The following VPS13B variants were observed in gnomAD, a reference collection of about 807,000 sequenced individuals.
VPS13B encodes the protein vacuolar protein sorting 13 homolog B.
A neutral mutation model predicts 426.4 loss-of-function variants in VPS13B; 285 were observed. That is an observed-to-expected ratio of 0.67 (90% CI 0.61 to 0.74). VPS13B has a LOEUF of 0.74. Among genes scored for constraint, VPS13B ranks in the 30% least tolerant of loss-of-function variants. VPS13B has a pLI of 0.00. For missense variants in VPS13B, 4,537 were observed against 4,782.6 expected, an observed-to-expected ratio of 0.95 and a Z score of 1.51; for synonymous variants, 1,676 against 1,676.4, an observed-to-expected ratio of 1.00 and a Z score of 0.01.
At chr8:99,558,769 G>C (rs1026087577) in intron 31 of VPS13B, among the ~76,000 whole-genome samples, 2 of 152,076 alleles carry the variant, frequency 1.3e-5, no homozygotes, top group Non-Finnish European at 2.9e-5. Flanking sequence ...ATAGTATTCC[G>C]TGGGGTATAT....
At chr8:99,405,042 T>C (rs1404426953) in intron 21 of VPS13B, among the ~76,000 whole-genome samples, 1 of 152,222 alleles carries the variant, frequency 6.6e-6, no homozygotes, top group Non-Finnish European at 1.5e-5. Context: ...TTCCTTTGGA[T>C]CTTAATCATC....
intron 17 of VPS13B, among the ~76,000 whole-genome samples, chr8:99,272,855 G>A (rs1260298768): frequency 6.6e-6 from 1 of 152,124 alleles, no homozygotes; most frequent in African/African-American, 2.4e-5. Context: ...TTGAGCTACA[G>A]GTTGAGTGAC....
At chr8:99,490,371 T>A (rs1181276989) in intron 25 of VPS13B, among the ~76,000 whole-genome samples, 1 of 152,166 alleles carries the variant, frequency 6.6e-6, no homozygotes, top group Non-Finnish European at 1.5e-5. Flanking sequence ...TCTTTCTTTG[T>A]TGTGTCTCTG....
intron 30 of VPS13B, among the ~76,000 whole-genome samples, chr8:99,539,047 A>T (rs2133717013): frequency 6.6e-6 from 1 of 152,294 alleles, no homozygotes; most frequent in Non-Finnish European, 1.5e-5. Context: ...GTATTTCACC[A>T]GTTTTATAAA....
chr8:99,820,065 A>G lies in VPS13B; in HGVS notation c.8937A>G (p.Gly2979=). 1 of 1,614,000 alleles carries G rather than the reference A, an allele frequency of 6.2e-7. No individual in the cohort carries two copies. The highest frequency in any genetic ancestry group is 1.1e-5 in the South Asian group (1 of 91,078). ...AATGGGACCTCTGGCTATTTGAAGG[A>G]GAGAAAATTGTTCTACAGGTTCCTG... ...ESKWDLWLFE[G]EKIVLQVPAG... The change falls in exon 49 of 62, where the codon GGA becomes GGG. Residue 2979 remains glycine (G), a synonymous_variant. Transcript: ENST00000357162.
chr8:99,872,273 G>A (rs1186824344), intron 61 of VPS13B, among the ~76,000 whole-genome samples: 2 of 152,156 alleles, frequency 1.3e-5, no homozygotes, highest in Non-Finnish European at 2.9e-5. Flanking sequence ...CCCAAACCTG[G>A]AGACTTCAAG....
chr8:99,623,623 T>C (rs1828463405), intron 33 of VPS13B, among the ~76,000 whole-genome samples: 1 of 152,114 alleles, frequency 6.6e-6, no homozygotes, highest in African/African-American at 2.4e-5. Flanking sequence ...GAGGAGGTAA[T>C]ATTATGCTGC....
intron 19 of VPS13B, among the ~76,000 whole-genome samples, chr8:99,321,497 C>T (rs752589362): frequency 2.6e-5 from 4 of 152,050 alleles, no homozygotes; most frequent in South Asian, 2.1e-4. Flanking sequence ...CATGAGCCGT[C>T]GTGCCTGGCC....
chr8:99,521,891 T>C (rs1822394549), intron 30 of VPS13B, among the ~76,000 whole-genome samples: 2 of 152,214 alleles, frequency 1.3e-5, no homozygotes, highest in South Asian at 4.1e-4. Flanking sequence ...ATTTCTCTGA[T>C]ATTTGAGTTA....
chr8:99,233,355 T>G, intron 17 of VPS13B: 1 of 1,065,824 alleles, frequency 9.4e-7, no homozygotes, highest in Non-Finnish European at 1.5e-6. Flanking sequence ...AGAAGTTTTC[T>G]TCTTTTAGTT....
At chr8:99,812,818 G>T (rs1813789420) in intron 44 of VPS13B, among the ~76,000 whole-genome samples, 1 of 152,054 alleles carries the variant, frequency 6.6e-6, no homozygotes, top group Non-Finnish European at 1.5e-5. Context: ...TGGTGCTCTG[G>T]AGTTATTCTT....
At chr8:99,498,370 C>T (rs904940093) in intron 25 of VPS13B, among the ~76,000 whole-genome samples, 1 of 151,880 alleles carries the variant, frequency 6.6e-6, no homozygotes, top group African/African-American at 2.4e-5. Flanking sequence ...GTAAATGAAT[C>T]TAGTTTAAGA....
intron 33 of VPS13B, among the ~76,000 whole-genome samples, chr8:99,594,931 C>A (rs1173027245): frequency 6.6e-6 from 1 of 151,958 alleles, no homozygotes; most frequent in Non-Finnish European, 1.5e-5. Flanking sequence ...TCAGTTAGGA[C>A]TGTTATTAAT....
intron 3 of VPS13B, among the ~76,000 whole-genome samples, chr8:99,090,267 CT>C (rs1205594894): frequency 0.019 from 2,551 of 136,086 alleles, 53 homozygotes; most frequent in African/African-American, 0.054. Flanking sequence ...TAATCATAAA[CT>C]TTTTTTTTTT....
At chr8:99,232,060 C>G (rs1357064366) in intron 17 of VPS13B, among the ~76,000 whole-genome samples, 1 of 151,914 alleles carries the variant, frequency 6.6e-6, no homozygotes, top group Non-Finnish European at 1.5e-5. Context: ...GTGTGTTTTG[C>G]TTTTGTTCCT....
At chr8:99,225,342 C>G (rs1296294897) in intron 17 of VPS13B, among the ~76,000 whole-genome samples, 1 of 151,774 alleles carries the variant, frequency 6.6e-6, no homozygotes, top group East Asian at 1.9e-4. Flanking sequence ...TGCAGTGGCG[C>G]GATCTCAGCT....
intron 35 of VPS13B, chr8:99,696,718 G>A (rs1441409301): frequency 2.3e-5 from 22 of 938,722 alleles, no homozygotes; most frequent in South Asian, 5.1e-5. Flanking sequence ...AGACTTCTCC[G>A]TTTTCCCAGA....
chr8:99,739,202 A>G (rs1478210671), intron 39 of VPS13B, among the ~76,000 whole-genome samples: 1 of 152,220 alleles, frequency 6.6e-6, no homozygotes, highest in Non-Finnish European at 1.5e-5. Context: ...GGAGGGTCCC[A>G]TACCCGTGGA....
At chr8:99,819,288 A>T (rs892193554) in intron 47 of VPS13B, 124 bp from the exon 48 acceptor site, 3 of 1,150,824 alleles carry the variant, frequency 2.6e-6, no homozygotes, top group Admixed American at 4.0e-5. Context: ...CTGTCCCATA[A>T]ATGGACTCTA....
Sources: allele counts gnomAD v4.1 joint callset (sites outside exome capture counted in the v4.1 genomes callset), GRCh38; gene constraint gnomAD v4.1.1; transcripts MANE v1.5; gene names NCBI Gene and HGNC (gene_info 2026-07-23, HGNC 2026-07-21).